Variants in NELL2 observed in about 807,000 individuals in gnomAD.
NELL2 encodes protein kinase C-binding protein NELL2.
In NELL2, 41 loss-of-function variants were observed where a neutral mutation model predicts 109.6. The observed-to-expected ratio is 0.37, with a 90% CI of 0.29 to 0.49. NELL2 has a LOEUF of 0.49. Ranked by LOEUF, NELL2 falls within the 20% of genes least tolerant of loss-of-function variation. The pLI, the probability that NELL2 is intolerant of heterozygous loss-of-function variation, is 0.98. For synonymous variants in NELL2, 355 were observed against 344.7 expected (o/e 1.03, Z -0.33); for missense variants, 900 against 1,008.3 (o/e 0.89, Z 1.45).
chr12:44,539,539 C>A (rs991818082), intron 15 of NELL2, among the ~76,000 whole-genome samples: 1 of 151,842 alleles, frequency 6.6e-6, no homozygotes, highest in African/African-American at 2.4e-5. Context: ...TGAACTTATT[C>A]CTAAATGTTT....
chr12:44,559,664 C>T (rs1338766764), intron 15 of NELL2, among the ~76,000 whole-genome samples: 1 of 152,118 alleles, frequency 6.6e-6, no homozygotes, highest in Admixed American at 6.6e-5. Context: ...TACAGGAGCA[C>T]CCAGATTCAT....
At chr12:44,551,736 T>C (rs953707246) in intron 15 of NELL2, among the ~76,000 whole-genome samples, 1 of 152,148 alleles carries the variant, frequency 6.6e-6, no homozygotes, top group East Asian at 1.9e-4. Flanking sequence ...CTTGTGTAAA[T>C]ATCTGGAAGA....
At chr12:44,791,134 T>TATATAC (rs1177395254) in intron 3 of NELL2, among the ~76,000 whole-genome samples, 2 of 81,404 alleles carry the variant, frequency 2.5e-5, no homozygotes, top group African/African-American at 1.0e-4. Flanking sequence ...TATATATATA[T>TATATAC]ACACACGCAC....
At chr12:44,534,783 G>A (rs1213063233) in intron 15 of NELL2, among the ~76,000 whole-genome samples, 2 of 152,014 alleles carry the variant, frequency 1.3e-5, no homozygotes, top group Admixed American at 6.6e-5. Context: ...GAAGAATTTG[G>A]TCACTAGGGC....
chr12:44,605,500 A>G (rs887911962), intron 15 of NELL2, among the ~76,000 whole-genome samples: 7 of 152,178 alleles, frequency 4.6e-5, no homozygotes, highest in Non-Finnish European at 1.0e-4. Context: ...TTCAAGTATA[A>G]TGAAATAGAG....
At chr12:44,653,145 T>C (rs1947362660) in intron 13 of NELL2, among the ~76,000 whole-genome samples, 1 of 152,178 alleles carries the variant, frequency 6.6e-6, no homozygotes, top group Non-Finnish European at 1.5e-5. Context: ...TTATTCTACC[T>C]ACCACAAATA....
intron 3 of NELL2, among the ~76,000 whole-genome samples, chr12:44,793,147 G>A (rs752738342): frequency 5.3e-5 from 8 of 152,038 alleles, no homozygotes; most frequent in South Asian, 2.1e-4. Flanking sequence ...GTGTGTGTCC[G>A]TACATATATA....
At chr12:44,573,120 A>G (rs1164385965) in intron 15 of NELL2, among the ~76,000 whole-genome samples, 2 of 152,262 alleles carry the variant, frequency 1.3e-5, no homozygotes, top group Admixed American at 6.5e-5. Context: ...AAATGAGAGC[A>G]TAGCCCAGAT....
intron 15 of NELL2, among the ~76,000 whole-genome samples, chr12:44,565,974 G>C (rs1943643714): frequency 6.6e-6 from 1 of 152,084 alleles, no homozygotes; most frequent in Admixed American, 6.6e-5. Flanking sequence ...CTCTGAATTT[G>C]AAACCAATTA....
intron 13 of NELL2, among the ~76,000 whole-genome samples, chr12:44,659,472 T>A (rs1425769289): frequency 6.6e-6 from 1 of 152,124 alleles, no homozygotes; most frequent in Non-Finnish European, 1.5e-5. Flanking sequence ...ATATCTAGAA[T>A]CTTCAAGGAA....
chr12:44,579,569 C>T (rs546212589), intron 15 of NELL2, among the ~76,000 whole-genome samples: 3 of 152,292 alleles, frequency 2.0e-5, no homozygotes, highest in South Asian at 4.2e-4. Flanking sequence ...ATATTCCCAG[C>T]TTTTCATATG....
In NELL2 at chr12:44,635,101, T is replaced by C. The variant is rs189799627; in HGVS notation, c.1445-24131A>G. Among the ~76,000 whole-genome samples the C allele has an allele frequency of 3.3e-3, 498 of 152,326 alleles. 2 individuals carry two copies. The highest frequency in any genetic ancestry group is 4.4e-3 in the Non-Finnish European group (299 of 68,022). On this transcript the variant is annotated intron_variant, in intron 13 of 19. Coordinates refer to ENST00000429094, the MANE Select transcript of NELL2 (RefSeq NM_001145108.2). ...TCTTCTTTTGAGAAGTGTCTATTCG[T>C]ATCCTTTGCCCACTTTTTGATGGGG...
intron 15 of NELL2, among the ~76,000 whole-genome samples, chr12:44,560,085 A>G (rs1943411391): frequency 6.6e-6 from 1 of 152,226 alleles, no homozygotes; most frequent in African/African-American, 2.4e-5. Context: ...CTACTGGGTA[A>G]ATAATGAAAT....
In NELL2 at chr12:44,576,791, C is replaced by T. The variant is rs35266155; in HGVS notation, c.1663+30378G>A. On this transcript the variant is annotated intron_variant, in intron 15 of 19. Transcript: ENST00000429094. ...ATTCCCACCTGTGAGTGAGAATATGCGGTGTTTGGTTTTTTGTTCTTGCGA... is the reference window on the plus strand; with the variant it reads ...ATTCCCACCTGTGAGTGAGAATATGTGGTGTTTGGTTTTTTGTTCTTGCGA... Among the ~76,000 whole-genome samples the T allele has an allele frequency of 1.1e-3, 174 of 151,882 alleles. 2 individuals are homozygous for T. In the East Asian group the frequency reaches 0.03, roughly 26 times the overall value.
At chr12:44,688,322 A>G (rs934985757) in intron 12 of NELL2, among the ~76,000 whole-genome samples, 1 of 152,224 alleles carries the variant, frequency 6.6e-6, no homozygotes, top group Admixed American at 6.5e-5. Context: ...TGTTGTCTCT[A>G]GTTTCCAGTA....
At chr12:44,867,267 A>G (rs1321721083) in intron 2 of NELL2, among the ~76,000 whole-genome samples, 1 of 152,248 alleles carries the variant, frequency 6.6e-6, no homozygotes, top group Non-Finnish European at 1.5e-5. Flanking sequence ...CAGCACATTA[A>G]AAGTATCATT....
At chr12:44,526,384 T>C (rs1941773736) in intron 16 of NELL2, among the ~76,000 whole-genome samples, 1 of 152,214 alleles carries the variant, frequency 6.6e-6, no homozygotes, top group Non-Finnish European at 1.5e-5. Context: ...CTCGAAGATA[T>C]AATTAAATTT....
intron 3 of NELL2, among the ~76,000 whole-genome samples, chr12:44,783,539 T>C (rs972424639): frequency 4.6e-5 from 7 of 151,914 alleles, no homozygotes; most frequent in African/African-American, 1.4e-4. Context: ...CCTGCAGATA[T>C]TGAAAGGTTA....
chr12:44,857,971 G>A (rs1367666192), intron 2 of NELL2, among the ~76,000 whole-genome samples: 1 of 152,104 alleles, frequency 6.6e-6, no homozygotes, highest in African/African-American at 2.4e-5. Flanking sequence ...AAAGTCATCT[G>A]ACTTTAGCTC....
Sources: gnomAD v4.1 joint callset for allele counts (sites outside exome capture counted in the v4.1 genomes callset) on GRCh38, gnomAD v4.1.1 for gene constraint, MANE v1.5 for transcripts, NCBI Gene and HGNC (gene_info 2026-07-23, HGNC 2026-07-21) for gene names.